BLK: variants seen among roughly 807,000 people sequenced by gnomAD.
BLK encodes BLK proto-oncogene, Src family tyrosine kinase.
In BLK, 64 loss-of-function variants were observed where a neutral mutation model predicts 61.8. The ratio of observed to expected loss-of-function variants is 1.03; its 90% CI spans 0.85 to 1.27. BLK has a LOEUF of 1.27. BLK is among the 50% of genes most tolerant of loss of function. BLK has a pLI of 0.00. For synonymous variants in BLK, 351 were observed against 272.0 expected (o/e 1.29, Z -2.86); for missense variants, 853 against 660.5 (o/e 1.29, Z -3.19).
At chr8:11,518,139 C>A (rs901895724) in intron 1 of BLK, among the ~76,000 whole-genome samples, 15 of 152,072 alleles carry the variant, frequency 9.9e-5, no homozygotes, top group Non-Finnish European at 8.8e-5. Context: ...AGGTAGAGAG[C>A]CCAGTTCTCC....
chr8:11,562,620 C>A (rs2117605862), intron 11 of BLK, among the ~76,000 whole-genome samples: 1 of 152,318 alleles, frequency 6.6e-6, no homozygotes, highest in Non-Finnish European at 1.5e-5. Context: ...CTTGCCCAGG[C>A]CATGTCTTTT....
chr8:11,542,633 A>G (rs1475071733), intron 1 of BLK, among the ~76,000 whole-genome samples: 1 of 152,148 alleles, frequency 6.6e-6, no homozygotes, highest in East Asian at 1.9e-4. Context: ...ACCTGACCAC[A>G]TCTTCCCCCC....
chr8:11,519,162 A>G (rs1033448419), intron 1 of BLK, among the ~76,000 whole-genome samples: 1 of 152,158 alleles, frequency 6.6e-6, no homozygotes, highest in Non-Finnish European at 1.5e-5. Flanking sequence ...AGCATGTTGC[A>G]AGATCTGTCT....
intron 1 of BLK, among the ~76,000 whole-genome samples, chr8:11,499,108 C>G (rs1425484260): frequency 6.6e-6 from 1 of 152,220 alleles, no homozygotes; most frequent in Non-Finnish European, 1.5e-5. Context: ...CAATCACAGA[C>G]TACATATATG....
At chr8:11,531,331 T>G (rs1253869069) in intron 1 of BLK, among the ~76,000 whole-genome samples, 1 of 152,198 alleles carries the variant, frequency 6.6e-6, no homozygotes, top group African/African-American at 2.4e-5. Flanking sequence ...TTTATCAATT[T>G]TTCTTGTATA....
At chr8:11,550,372 G>A in intron 6 of BLK, 110 bp downstream of exon 6, 2 of 1,032,368 alleles carry the variant, frequency 1.9e-6, no homozygotes, top group Admixed American at 1.9e-5. Flanking sequence ...AGGAGAACCA[G>A]CAGCTTCCGG....
rs375105119 is a variant in BLK, at chr8:11,543,360, C to A, written c.123+13C>A. On this transcript the variant is annotated intron_variant, in intron 2 of 12. Coordinates refer to ENST00000259089, the MANE Select transcript of BLK (RefSeq NM_001715.3). ...ACTGCCGCCCCTGGTGAGTGATTGC[C>A]CACCCCCACCAAGAGCAGATTACTT... is the stretch of plus-strand genomic sequence containing the variant. The A allele has an allele frequency of 2.5e-6, 4 of 1,612,004 alleles. No individual in the cohort carries two copies. The African/African-American group carries it at 5.3e-5, about 22-fold the overall frequency.
At chr8:11,551,810 T>C (rs4841555) in intron 6 of BLK, among the ~76,000 whole-genome samples, 150,112 of 152,270 alleles carry the variant, frequency 0.99, 74,019 homozygotes, top group East Asian at 1. Context: ...GGAAAGGGAG[T>C]CCCTGAAACA....
chr8:11,556,598 G>A (rs1355555032), intron 8 of BLK, 60 bp from the exon 9 acceptor site: 3 of 1,609,822 alleles, frequency 1.9e-6, no homozygotes, highest in South Asian at 1.1e-5. Flanking sequence ...TTTGGTTAAG[G>A]GATCACCTCC....
chr8:11,548,442 C>T (rs371340542), intron 4 of BLK, among the ~76,000 whole-genome samples: 71 of 152,278 alleles, frequency 4.7e-4, no homozygotes, highest in African/African-American at 1.4e-3. Flanking sequence ...CTGGCTGTTC[C>T]GTGAAAGCCT....
intron 6 of BLK, among the ~76,000 whole-genome samples, chr8:11,550,700 A>G (rs1800860146): frequency 6.6e-6 from 1 of 152,244 alleles, no homozygotes; most frequent in African/African-American, 2.4e-5. Context: ...CCGTGATGTA[A>G]GAGAAGAGGG....
At chr8:11,515,052 C>T (rs142454971) in intron 1 of BLK, among the ~76,000 whole-genome samples, 8 of 152,286 alleles carry the variant, frequency 5.3e-5, no homozygotes, top group Non-Finnish European at 1.2e-4. Flanking sequence ...GATTCTTCCC[C>T]TAGTCTCTCC....
At chr8:11,552,783 G>C (rs1800967233) in intron 6 of BLK, 1 of 152,340 alleles carries the variant, frequency 6.6e-6, no homozygotes, top group Non-Finnish European at 1.5e-5. Context: ...CTATGAGTCT[G>C]GCATCTTTTC....
At position 11,550,240 on chromosome 8, in the gene BLK, CAG is replaced by C. The variant is rs751094359; in HGVS notation, c.457_458del (p.Ser153Ter). The C allele has an allele frequency of 6.2e-7, 1 of 1,613,902 alleles. No individual in the cohort carries two copies. The highest frequency in any genetic ancestry group is 1.1e-5 in the South Asian group (1 of 91,078). ...PINKAGSFLIRESETNKGAFS... is the reference protein window; with the variant it reads ...PINKAGSFLIXESETNKGAFS... The stretch of plus-strand genomic sequence containing the variant: ...TCAACAAGGCCGGCTCCTTTCTTAT[CAG>C]AGAGAGTGAAACCAACAAAGGTAGG... On this transcript the variant is annotated frameshift_variant, in exon 6 of 13. Coordinates refer to ENST00000259089, the MANE Select transcript of BLK (RefSeq NM_001715.3). LOFTEE classifies it high-confidence loss of function.
intron 12 of BLK, among the ~76,000 whole-genome samples, chr8:11,563,377 A>G (rs190098141): frequency 5.3e-4 from 81 of 152,360 alleles, no homozygotes; most frequent in African/African-American, 1.8e-3. Flanking sequence ...TCCGAACTCA[A>G]GTTTACTCCC....
intron 1 of BLK, among the ~76,000 whole-genome samples, chr8:11,531,645 G>T (rs956007843): frequency 4.6e-5 from 7 of 152,182 alleles, no homozygotes; most frequent in South Asian, 2.1e-4. Flanking sequence ...TTCCATTTTT[G>T]GTTTCTTTAA....
chr8:11,548,975 G>C (rs748323111), intron 4 of BLK, 49 bp from the exon 5 acceptor site: 22 of 1,510,618 alleles, frequency 1.5e-5, no homozygotes, highest in Non-Finnish European at 1.9e-5. Flanking sequence ...GCCCAGTGAC[G>C]GGCCTACAGG....
At chr8:11,559,406 C>CAA (rs761002422) in intron 10 of BLK, among the ~76,000 whole-genome samples, 1 of 131,612 alleles carries the variant, frequency 7.6e-6, no homozygotes, top group Non-Finnish European at 1.7e-5. Context: ...GACACACACA[C>CAA]AGACACACAG....
In BLK at chr8:11,503,633, T is replaced by C. The variant is rs1189296272; in HGVS notation, c.-2+9042T>C. ...CCAGGGATCTGTGTGCTGTCTGAAG[T>C]AAGCAAGGGTGCTCTTTCTTGGCAA... On this transcript the variant is annotated intron_variant, in intron 1 of 12. Transcript: ENST00000259089. Among the ~76,000 whole-genome samples the C allele has an allele frequency of 5.9e-5, 9 of 152,104 alleles. No homozygotes were observed. The South Asian group carries it at 6.2e-4, about 11-fold the overall frequency.
Sources: gnomAD v4.1 joint callset for allele counts (sites outside exome capture counted in the v4.1 genomes callset) on GRCh38, gnomAD v4.1.1 for gene constraint, MANE v1.5 for transcripts, NCBI Gene and HGNC (gene_info 2026-07-23, HGNC 2026-07-21) for gene names.